Variants in SS18L1 observed in about 807,000 individuals in gnomAD.
The protein encoded by SS18L1 is SS18L1 subunit of BAF chromatin remodeling complex.
A neutral mutation model predicts 70.3 loss-of-function variants in SS18L1; 32 were observed. The ratio of observed to expected loss-of-function variants is 0.46; its 90% CI spans 0.34 to 0.61. SS18L1 has a LOEUF of 0.61. Among genes scored for constraint, SS18L1 ranks in the 20% least tolerant of loss-of-function variants. SS18L1 has a pLI of 0.01. For synonymous variants in SS18L1, 237 were observed against 229.7 expected (o/e 1.03, Z -0.29); for missense variants, 430 against 542.1 (o/e 0.79, Z 2.05).
At chr20:62,151,297 T>C (rs1332965954) in intron 1 of SS18L1, among the ~76,000 whole-genome samples, 1 of 152,174 alleles carries the variant, frequency 6.6e-6, no homozygotes, top group East Asian at 1.9e-4. Flanking sequence ...CCATCCTTGG[T>C]GCCTGGCTGT....
At chr20:62,148,835 G>A (rs1291383741) in intron 1 of SS18L1, among the ~76,000 whole-genome samples, 1 of 152,246 alleles carries the variant, frequency 6.6e-6, no homozygotes, top group Non-Finnish European at 1.5e-5. Flanking sequence ...GGAGGGTGAG[G>A]ACGCATTTGG....
chr20:62,175,524 C>T, intron 10 of SS18L1: 13 of 857,224 alleles, frequency 1.5e-5, no homozygotes, highest in Non-Finnish European at 1.8e-5. Flanking sequence ...GGCTCGGTGG[C>T]TGGAGCACAG....
intron 8 of SS18L1, among the ~76,000 whole-genome samples, chr20:62,167,841 G>T (rs2145762746): frequency 6.6e-6 from 1 of 151,854 alleles, no homozygotes; most frequent in East Asian, 1.9e-4. Flanking sequence ...AAAGAGACAG[G>T]GTCTTGCCCT....
intron 8 of SS18L1, among the ~76,000 whole-genome samples, chr20:62,166,517 C>T (rs1764577230): frequency 6.6e-6 from 1 of 152,166 alleles, no homozygotes; most frequent in African/African-American, 2.4e-5. Flanking sequence ...CAAGTGTAGG[C>T]ACATATAGAA....
At chr20:62,172,286 C>T (rs1247722557) in intron 8 of SS18L1, among the ~76,000 whole-genome samples, 3 of 151,402 alleles carry the variant, frequency 2.0e-5, no homozygotes, top group African/African-American at 7.3e-5. Flanking sequence ...CTCATTGCAC[C>T]ACTGCACTCC....
chr20:62,146,047 C>T (rs1005407302), intron 1 of SS18L1, among the ~76,000 whole-genome samples: 6 of 148,646 alleles, frequency 4.0e-5, no homozygotes, highest in Non-Finnish European at 7.4e-5. Flanking sequence ...CAGCATTCTG[C>T]GTGGTAGTGA....
At position 62,161,396 on chromosome 20, in the gene SS18L1, A is replaced by T; in HGVS notation, c.232-40A>T. On this transcript the variant is annotated intron_variant, in intron 3 of 10. Transcript: ENST00000331758. The surrounding 1 kb of genome is among the most constrained non-coding windows in gnomAD (Gnocchi z 4.4). ...TGGCTTGTGGAGGTCGCTCTCCGTAAATTAACCGTTTTTCCCTGAAAACTT... is the reference window on the plus strand; with the variant it reads ...TGGCTTGTGGAGGTCGCTCTCCGTATATTAACCGTTTTTCCCTGAAAACTT... 1 of 1,612,206 alleles carries T rather than the reference A, an allele frequency of 6.2e-7. No individual in the cohort carries two copies. The highest frequency in any genetic ancestry group is 8.5e-7 in the Non-Finnish European group (1 of 1,179,820).
At chr20:62,157,760 G>A (rs944902781) in intron 1 of SS18L1, among the ~76,000 whole-genome samples, 5 of 152,212 alleles carry the variant, frequency 3.3e-5, no homozygotes, top group African/African-American at 9.6e-5. Flanking sequence ...CTATCGTGCC[G>A]TTCTCCTGCA....
chr20:62,177,732 G>A (rs978584595), intron 10 of SS18L1, among the ~76,000 whole-genome samples: 9 of 152,114 alleles, frequency 5.9e-5, no homozygotes, highest in African/African-American at 2.2e-4. Context: ...GTTTTTTGTT[G>A]TTGTTTTTGA....
chr20:62,147,351 G>T lies in SS18L1; in HGVS notation c.69+3462G>T, dbSNP rs527359350. ...GGTGGGGCTGGGCCATGTCCCCACG[G>T]TGGCCCTGGGCCTGGCTGGGTGTTC... On this transcript the variant is annotated intron_variant, in intron 1 of 10. Coordinates refer to ENST00000331758, the MANE Select transcript of SS18L1 (RefSeq NM_198935.3). Among the ~76,000 whole-genome samples the T allele has an allele frequency of 5.3e-5, 8 of 152,248 alleles. No homozygotes were observed. The East Asian group carries it at 1.6e-3, about 30-fold the overall frequency.
At position 62,158,647 on chromosome 20, in the gene SS18L1, G is replaced by A. The variant is rs370613846; in HGVS notation, c.70-25G>A. 334 of 1,610,390 alleles carry A rather than the reference G, an allele frequency of 2.1e-4. No individual in the cohort carries two copies. Among genetic ancestry groups the A allele is most frequent in the Non-Finnish European group, 2.7e-4 (319 of 1,179,604 alleles). ...GGTCAGCGACAGCCCCGCGTCGGCAGCGCCCGCTCACGCTCTCTCCGCAGA... is the reference window on the plus strand; with the variant it reads ...GGTCAGCGACAGCCCCGCGTCGGCAACGCCCGCTCACGCTCTCTCCGCAGA... On this transcript the variant is annotated intron_variant, in intron 1 of 10. Coordinates refer to ENST00000331758, the MANE Select transcript of SS18L1 (RefSeq NM_198935.3). This position sits in a 1 kb window ranked among gnomAD's most constrained non-coding sequence, Gnocchi z 4.5.
intron 1 of SS18L1, among the ~76,000 whole-genome samples, chr20:62,152,841 A>G (rs967742649): frequency 9.2e-5 from 14 of 152,134 alleles, no homozygotes; most frequent in African/African-American, 3.4e-4. Context: ...CGAATCGACA[A>G]CCTCCAGAGT....
intron 1 of SS18L1, among the ~76,000 whole-genome samples, chr20:62,155,494 T>C (rs1002848473): frequency 6.6e-6 from 1 of 152,196 alleles, no homozygotes. Context: ...GTTTTGGCCT[T>C]TGTCTTTCAA....
intron 1 of SS18L1, among the ~76,000 whole-genome samples, chr20:62,155,097 G>T (rs1028207347): frequency 3.3e-5 from 5 of 152,166 alleles, no homozygotes; most frequent in African/African-American, 4.8e-5. Flanking sequence ...AATAGGTTTT[G>T]TTGGATTTTT....
At position 62,180,238 on chromosome 20, in the gene SS18L1, T is replaced by C. The variant is rs2057686834; in HGVS notation, c.*1030T>C. On this transcript the variant is annotated 3_prime_UTR_variant, in exon 11 of 11. Transcript: ENST00000331758. Reference sequence around the variant, plus strand: ...GGGATGTCTGAAAGTCACATCCAGTTACATTACTGTGTTCTTTCTAATGAA... The same window carrying C: ...GGGATGTCTGAAAGTCACATCCAGTCACATTACTGTGTTCTTTCTAATGAA... The C allele has an allele frequency of 5.0e-6, 1 of 200,586 alleles. No homozygotes were observed. The highest frequency in any genetic ancestry group is 1.0e-5 in the Non-Finnish European group (1 of 97,478). The allele number at this position is 200,586 out of a possible 1,614,324, so 12.4% of individuals were successfully genotyped here.
intron 9 of SS18L1, 26 bp downstream of exon 9, chr20:62,172,827 GC>G: frequency 6.2e-7 from 1 of 1,605,634 alleles, no homozygotes. Context: ...GGTCCTCGGG[GC>G]CCCCCAGCGC....
At chr20:62,171,151 C>T (rs901569642) in intron 8 of SS18L1, among the ~76,000 whole-genome samples, 1 of 152,116 alleles carries the variant, frequency 6.6e-6, no homozygotes, top group African/African-American at 2.4e-5. Context: ...ATCCACCCGC[C>T]TCGGCCTCCC....
chr20:62,154,939 G>A (rs150172499), intron 1 of SS18L1, among the ~76,000 whole-genome samples: 11 of 152,110 alleles, frequency 7.2e-5, no homozygotes, highest in East Asian at 1.9e-4. Context: ...TTCATATCCC[G>A]CCCCTCTGTT....
chr20:62,153,528 C>T (rs910631500), intron 1 of SS18L1, among the ~76,000 whole-genome samples: 8 of 151,944 alleles, frequency 5.3e-5, no homozygotes, highest in Non-Finnish European at 7.4e-5. Context: ...CACTCATACC[C>T]GTCAGAGTGG....
Sources: allele counts gnomAD v4.1 joint callset (sites outside exome capture counted in the v4.1 genomes callset), GRCh38; gene constraint gnomAD v4.1.1; non-coding constraint Gnocchi (gnomAD v3.1); transcripts MANE v1.5; gene names NCBI Gene and HGNC (gene_info 2026-07-23, HGNC 2026-07-21).